Variants in GPLD1 observed in about 807,000 individuals in gnomAD.
GPLD1 encodes the protein phosphatidylinositol-glycan-specific phospholipase D.
GPLD1 carries 84 observed loss-of-function variants against 112.6 expected under a neutral mutation model. The observed-to-expected ratio is 0.75, with a 90% CI of 0.63 to 0.89. GPLD1 has a LOEUF of 0.89. Ranked by LOEUF, GPLD1 falls within the 40% of genes least tolerant of loss-of-function variation. The pLI is 0.00. For missense variants in GPLD1, 1,044 were observed against 1,051.5 expected, an observed-to-expected ratio of 0.99 and a Z score of 0.10; for synonymous variants, 386 against 403.8, an observed-to-expected ratio of 0.96 and a Z score of 0.53.
intron 4 of GPLD1, among the ~76,000 whole-genome samples, chr6:24,475,688 CAAAA>C (rs35291266): frequency 1.8e-5 from 2 of 113,316 alleles, no homozygotes; most frequent in Admixed American, 1.9e-4. Context: ...ACTAAAAATA[CAAAA>C]AAAAAAAAAA....
intron 2 of GPLD1, among the ~76,000 whole-genome samples, chr6:24,480,695 T>C (rs537484901): frequency 6.6e-6 from 1 of 152,268 alleles, no homozygotes; most frequent in East Asian, 1.9e-4. Flanking sequence ...GATGTGAAAG[T>C]AGATGGTAGC....
At chr6:24,468,979 T>C (rs1490040158) in intron 7 of GPLD1, among the ~76,000 whole-genome samples, 1 of 152,248 alleles carries the variant, frequency 6.6e-6, no homozygotes, top group Non-Finnish European at 1.5e-5. Context: ...AGATACTTCT[T>C]GGTTTACAGT....
intron 3 of GPLD1, among the ~76,000 whole-genome samples, chr6:24,478,488 T>C (rs1372028961): frequency 1.5e-5 from 2 of 130,974 alleles, no homozygotes; most frequent in Non-Finnish European, 3.0e-5. Context: ...GTACCCAGCG[T>C]GCTGGGGGCC....
At chr6:24,467,022 C>T (rs1763641807) in intron 8 of GPLD1, 83 bp from the exon 9 acceptor site, 1 of 1,229,158 alleles carries the variant, frequency 8.1e-7, no homozygotes, top group Non-Finnish European at 1.2e-6. Flanking sequence ...AAGTTCCATC[C>T]ACCCTTTTCC....
Position 24,454,191 on chromosome 6 carries a change from A to T in GPLD1, c.1159T>A (p.Ser387Thr). Residue 387 changes from serine (S) to threonine (T), a missense_variant, in exon 14 of 25, where the codon TCA becomes ACA. By Grantham distance (58) the Ser-to-Thr change is moderately conservative (BLOSUM62 1). Transcript: ENST00000230036. ...TGCCCATCCTGGTTGAGGTCAGCTG[A>T]GGTCATTGCCCTTAGGGAAGTGAAG... ...PYARLGWAMT[S>T]ADLNQDGHGD... 6.2e-7 allele frequency: 1 copy of T among 1,611,590 alleles called. No individual in the cohort carries two copies.
Position 24,439,303 on chromosome 6 carries a change from C to T in GPLD1, c.2021-2014G>A, listed in dbSNP as rs545694509. On this transcript the variant is annotated intron_variant, in intron 20 of 24. Coordinates refer to ENST00000230036, the MANE Select transcript of GPLD1 (RefSeq NM_001503.4). ...AGAAGTCACCCCAAGGTCTAGCTTT[C>T]GGAGCAAGAATTAGAAAGCCTGAAT... Among the ~76,000 whole-genome samples the T allele has an allele frequency of 2.8e-4, 41 of 144,118 alleles. No individual in the cohort carries two copies. The South Asian group carries it at 4.3e-3, about 15-fold the overall frequency. The allele number at this position is 144,118 out of a possible 152,430, so 94.5% of individuals were successfully genotyped here.
rs535094485 is a variant in GPLD1, at chr6:24,436,390, G to A, written c.2358+186C>T. On this transcript the variant is annotated intron_variant, in intron 22 of 24. Coordinates refer to ENST00000230036, the MANE Select transcript of GPLD1 (RefSeq NM_001503.4). ...AAGTCCAGTGGGACTTTAGCTCTGG[G>A]CACAAATGTTGCAGAACTGTAAGAA... Among the ~76,000 whole-genome samples, 8 of 152,312 alleles carry A rather than the reference G, an allele frequency of 5.3e-5. No homozygotes were observed. The East Asian group carries it at 1.5e-3, about 29-fold the overall frequency.
chr6:24,450,055 G>A (rs1399769521), intron 14 of GPLD1, among the ~76,000 whole-genome samples, 156 bp from the exon 15 acceptor site: 3 of 152,050 alleles, frequency 2.0e-5, no homozygotes, highest in Admixed American at 6.5e-5. Flanking sequence ...CAACACATCA[G>A]TTAGGTAGCT....
At chr6:24,433,956 A>C (rs762401362) in intron 22 of GPLD1, among the ~76,000 whole-genome samples, 7 of 152,202 alleles carry the variant, frequency 4.6e-5, no homozygotes, top group Non-Finnish European at 1.0e-4. Flanking sequence ...AAATGGCACA[A>C]TTGACTAACA....
At chr6:24,481,457 T>C (rs543770798) in intron 2 of GPLD1, among the ~76,000 whole-genome samples, 13 of 152,144 alleles carry the variant, frequency 8.5e-5, no homozygotes, top group South Asian at 4.2e-4. Flanking sequence ...ATCTGGTTTT[T>C]GGTTTTGTTT....
At chr6:24,489,993 C>A (rs376534914), upstream of GPLD1, among the ~76,000 whole-genome samples, 3 of 152,180 alleles carry the variant, frequency 2.0e-5, no homozygotes, top group African/African-American at 7.2e-5. Flanking sequence ...CTGCTTCCTC[C>A]GCCTCCCAAG....
At chr6:24,480,417 G>C (rs1764162091) in intron 2 of GPLD1, among the ~76,000 whole-genome samples, 1 of 152,066 alleles carries the variant, frequency 6.6e-6, no homozygotes, top group Admixed American at 6.6e-5. Context: ...CAACCTCCCA[G>C]GTTCAAGCGA....
intron 2 of GPLD1, among the ~76,000 whole-genome samples, chr6:24,483,667 A>G (rs1298739722): frequency 6.6e-6 from 1 of 151,894 alleles, no homozygotes; most frequent in Admixed American, 6.6e-5. Flanking sequence ...ACTCCATCTC[A>G]GCATTAGAGA....
At chr6:24,442,616 TTG>T (rs1762785639) in intron 20 of GPLD1, among the ~76,000 whole-genome samples, 1 of 151,854 alleles carries the variant, frequency 6.6e-6, no homozygotes, top group South Asian at 2.1e-4. Flanking sequence ...AGCTAATTTT[TTG>T]TGTTTTTAGT....
At chr6:24,482,981 C>G (rs959865270) in intron 2 of GPLD1, among the ~76,000 whole-genome samples, 9 of 151,956 alleles carry the variant, frequency 5.9e-5, no homozygotes, top group African/African-American at 2.2e-4. Flanking sequence ...AGAAACAAAA[C>G]AAAAATAGTA....
chr6:24,445,896 G>C, intron 18 of GPLD1, 65 bp from the exon 19 acceptor site: 2 of 1,183,828 alleles, frequency 1.7e-6, no homozygotes, highest in South Asian at 1.2e-5. Flanking sequence ...AGGTACTCAG[G>C]AGCAAGGAAA....
Position 24,433,232 on chromosome 6 carries a change from G to A in GPLD1, c.2391C>T (p.Ser797=). ...TGATGAGGGAGCTCCCAAACCTTGA[G>A]CTGGCCTGTAAAACATGCCGTCTGT... ...AQYVLISPEA[S]SRFGSSLITV... is the part of the protein sequence containing the mutation. The change falls in exon 24 of 25, where the codon AGC becomes AGT. Residue 797 remains serine (S), a synonymous_variant. Transcript: ENST00000230036. 6.2e-7 allele frequency: 1 copy of A among 1,612,998 alleles called. No homozygotes were observed. Among genetic ancestry groups the A allele is most frequent in the South Asian group, 1.1e-5 (1 of 91,056 alleles).
At chr6:24,446,754 C>T in intron 18 of GPLD1, 84 bp downstream of exon 18, 8 of 1,312,868 alleles carry the variant, frequency 6.1e-6, no homozygotes, top group South Asian at 3.3e-5. Context: ...AGCCCTTTTC[C>T]CTCAGCCTCA....
rs895791871 is a variant in GPLD1 at position 24,459,845 on chromosome 6, T to C, written c.1008+434A>G. ...CCTGGGTGCCCAGGGTCATCTTGAC[T>C]TGACAGAGACCACTGAGGTGCAGAC... On this transcript the variant is annotated intron_variant, in intron 12 of 24. Coordinates refer to ENST00000230036, the MANE Select transcript of GPLD1 (RefSeq NM_001503.4). Among the ~76,000 whole-genome samples, 54 of 152,354 alleles carry C rather than the reference T, an allele frequency of 3.5e-4. 1 individual carries two copies. The highest frequency in any genetic ancestry group is 1.1e-3 in the African/African-American group (47 of 41,590).
Sources: allele counts gnomAD v4.1 joint callset (sites outside exome capture counted in the v4.1 genomes callset), GRCh38; gene constraint gnomAD v4.1.1; transcripts MANE v1.5; gene names NCBI Gene and HGNC (gene_info 2026-07-23, HGNC 2026-07-21).